Variants in FRMPD4 observed in about 807,000 individuals in gnomAD.
FRMPD4 encodes the protein FERM and PDZ domain containing 4.
A neutral mutation model predicts 94.1 loss-of-function variants in FRMPD4; 22 were observed. The ratio of observed to expected loss-of-function variants is 0.23; its 90% CI spans 0.17 to 0.33. The LOEUF (loss-of-function observed/expected upper bound fraction) is 0.33, where lower values mean the gene tolerates loss of function less well. FRMPD4 is among the 10% of genes least tolerant of loss of function. FRMPD4 has a pLI of 1.00. For synonymous variants in FRMPD4, 631 were observed against 548.6 expected (o/e 1.15, Z -2.10); for missense variants, 1,111 against 1,339.9 (o/e 0.83, Z 2.67).
At chrX:12,426,419 G>A (rs2056945620) in intron 1 of FRMPD4, among the ~76,000 whole-genome samples, 1 of 111,180 alleles carries the variant, frequency 9.0e-6, no homozygotes, top group African/African-American at 3.3e-5. Flanking sequence ...ATGAGTATTC[G>A]CAGTTGGAAA....
At chrX:12,304,068 CCAA>C (rs2054899077) in intron 1 of FRMPD4, among the ~76,000 whole-genome samples, 1 of 111,693 alleles carries the variant, frequency 9.0e-6, no homozygotes, top group Non-Finnish European at 1.9e-5. Flanking sequence ...CACTTCACCT[CCAA>C]CTAGGAGGTT....
chrX:12,557,159 A>T (rs758856071), intron 2 of FRMPD4, among the ~76,000 whole-genome samples: 5 of 111,673 alleles, frequency 4.5e-5, no homozygotes, highest in Non-Finnish European at 9.4e-5. Context: ...GATTACCCCA[A>T]CCCTCCAATG....
At chrX:12,186,160 T>A (rs949141674) in intron 1 of FRMPD4, among the ~76,000 whole-genome samples, 3 of 111,292 alleles carry the variant, frequency 2.7e-5, no homozygotes, top group Non-Finnish European at 5.7e-5. Context: ...TCTCACTGGC[T>A]ATGCACAACA....
chrX:12,458,454 G>A (rs1049880414), intron 1 of FRMPD4, among the ~76,000 whole-genome samples: 4 of 111,529 alleles, frequency 3.6e-5, no homozygotes, highest in African/African-American at 6.5e-5. Context: ...GGCTCAGAAC[G>A]GCCATGATGT....
intron 7 of FRMPD4, among the ~76,000 whole-genome samples, chrX:12,689,973 A>G (rs1345866164): frequency 1.8e-5 from 2 of 112,812 alleles, no homozygotes; most frequent in African/African-American, 3.2e-5. Context: ...TGTGAACTCC[A>G]TAAAGATTTT....
At chrX:12,524,272 T>C (rs1200914091) in intron 2 of FRMPD4, among the ~76,000 whole-genome samples, 2 of 112,479 alleles carry the variant, frequency 1.8e-5, no homozygotes, top group African/African-American at 6.5e-5. Context: ...GACTGGAATC[T>C]CCTGTTTTCA....
chrX:11,935,265 A>ATG (rs2054150441), intron 3 of FRMPD4, among the ~76,000 whole-genome samples: 1 of 2,598 alleles, frequency 3.8e-4, no homozygotes, highest in African/African-American at 1.6e-3. Context: ...TTTTTTTTTA[A>ATG]TGTGTTTTTT....
chrX:11,853,800 C>T lies in FRMPD4; in HGVS notation c.-160-11286C>T, dbSNP rs370334894. The stretch of plus-strand genomic sequence containing the variant: ...TCACAGCTGAATTCCACCAGATGTA[C>T]GAATAAGAGCTGGTACTGTTCCTAC... On this transcript the variant is annotated intron_variant, in intron 1 of 18. Transcript: ENST00000640291. Among the ~76,000 whole-genome samples the T allele has an allele frequency of 7.7e-4, 86 of 111,899 alleles. 1 individual carries two copies. Among genetic ancestry groups the T allele is most frequent in the East Asian group, 2.3e-3 (8 of 3,548 alleles).
intron 1 of FRMPD4, among the ~76,000 whole-genome samples, chrX:12,142,196 A>G (rs1015420101): frequency 9.0e-6 from 1 of 111,404 alleles, no homozygotes; most frequent in Non-Finnish European, 1.9e-5. Context: ...TTTACTTTGC[A>G]TTTTCTTATA....
At chrX:12,204,584 T>G in intron 1 of FRMPD4, among the ~76,000 whole-genome samples, 1 of 111,386 alleles carries the variant, frequency 9.0e-6, no homozygotes, top group South Asian at 3.8e-4. Context: ...CCTTTGATTT[T>G]CGAAGCCTCC....
intron 1 of FRMPD4, among the ~76,000 whole-genome samples, chrX:12,206,034 T>G (rs1021287842): frequency 8.9e-6 from 1 of 111,998 alleles, no homozygotes; most frequent in African/African-American, 3.2e-5. Context: ...TTCTAATAAG[T>G]GTGTTTTTCT....
chrX:12,390,639 A>G (rs1179254105), intron 1 of FRMPD4, among the ~76,000 whole-genome samples: 1 of 111,977 alleles, frequency 8.9e-6, no homozygotes, highest in African/African-American at 3.3e-5. Context: ...GCCCCCAAAG[A>G]CACAGTACTT....
chrX:12,419,978 G>A (rs923222652), intron 1 of FRMPD4, among the ~76,000 whole-genome samples: 4 of 111,419 alleles, frequency 3.6e-5, no homozygotes, highest in Admixed American at 9.5e-5. Flanking sequence ...TTAGGCTGGT[G>A]ACAGCTGTGT....
intron 4 of FRMPD4, among the ~76,000 whole-genome samples, chrX:12,615,637 T>C (rs1173167772): frequency 9.0e-6 from 1 of 111,144 alleles, no homozygotes; most frequent in East Asian, 2.8e-4. Context: ...TGTTGAGGAA[T>C]AAGGAGACAT....
In FRMPD4 at chrX:11,933,065, C is replaced by G. The variant is rs1361250949; in HGVS notation, c.95+55047C>G. On this transcript the variant is annotated intron_variant, in intron 3 of 18. Transcript: ENST00000640291. ...GGGAGTTTAAGACCGAGTCCCCAAA[C>G]GTCAGCTTAACGTAATGCACAAGAG... Among the ~76,000 whole-genome samples, 8 of 111,587 alleles carry G rather than the reference C, an allele frequency of 7.2e-5. No homozygotes were observed. The Admixed American group carries it at 7.6e-4, about 11-fold the overall frequency.
intron 3 of FRMPD4, among the ~76,000 whole-genome samples, chrX:11,987,265 C>T (rs948080728): frequency 2.7e-5 from 3 of 110,277 alleles, no homozygotes; most frequent in Non-Finnish European, 5.7e-5. Flanking sequence ...GGATGGTTCA[C>T]CATAGACAAA....
intron 2 of FRMPD4, among the ~76,000 whole-genome samples, chrX:12,501,188 C>G (rs771953440): frequency 8.9e-6 from 1 of 112,595 alleles, no homozygotes; most frequent in South Asian, 3.7e-4. Flanking sequence ...CTAATGCCCA[C>G]TGTTAAAACA....
rs762983624 is a variant in FRMPD4 at position 12,368,594 on chromosome X, C to T, written c.42-130086C>T. On this transcript the variant is annotated intron_variant, in intron 1 of 16. Transcript: ENST00000675598. ...AACATGACCTATTATCTAAAAACAA[C>T]ATGGCTGGGTGCAGTGGCTCACGCC... Among the ~76,000 whole-genome samples, 2 of 110,111 alleles carry T rather than the reference C, an allele frequency of 1.8e-5. 1 individual carries two copies. Among genetic ancestry groups the T allele is most frequent in the African/African-American group, 6.6e-5 (2 of 30,295 alleles).
chrX:12,368,923 C>T (rs1440551227), intron 1 of FRMPD4, among the ~76,000 whole-genome samples: 1 of 111,532 alleles, frequency 9.0e-6, no homozygotes, highest in Non-Finnish European at 1.9e-5. Flanking sequence ...GTAATAAAAG[C>T]TATAAGTTAA....
Sources: gnomAD v4.1 joint callset for allele counts (sites outside exome capture counted in the v4.1 genomes callset) on GRCh38, gnomAD v4.1.1 for gene constraint, MANE v1.5 for transcripts, NCBI Gene and HGNC (gene_info 2026-07-23, HGNC 2026-07-21) for gene names.